SLC2A14: variants seen among roughly 807,000 people sequenced by gnomAD.
SLC2A14 encodes solute carrier family 2, facilitated glucose transporter member 14.
Under a neutral mutation model 43.0 loss-of-function variants are expected in SLC2A14, and 13 were observed. That is an observed-to-expected ratio of 0.30 (90% CI 0.20 to 0.48). SLC2A14 has a LOEUF of 0.48. Among genes scored for constraint, SLC2A14 ranks in the 20% least tolerant of loss-of-function variants. The probability of loss-of-function intolerance (pLI) is 0.99; values close to 1 mark genes in which losing one functional copy is unlikely to be tolerated. For synonymous variants in SLC2A14, 190 were observed against 233.8 expected (o/e 0.81, Z 1.71); for missense variants, 428 against 620.4 (o/e 0.69, Z 3.29).
At chr12:7,830,475 C>T (rs1415259191) in intron 4 of SLC2A14, among the ~76,000 whole-genome samples, 2 of 151,958 alleles carry the variant, frequency 1.3e-5, no homozygotes, top group Admixed American at 6.6e-5. Context: ...ATTATCAGAA[C>T]GTTTCTAGTT....
At chr12:7,818,599 T>C (rs1399653454) in intron 9 of SLC2A14, among the ~76,000 whole-genome samples, 3 of 151,678 alleles carry the variant, frequency 2.0e-5, no homozygotes, top group Non-Finnish European at 4.4e-5. Flanking sequence ...GAGGCAGAGA[T>C]TGCAGTGAGC....
intron 2 of SLC2A14, among the ~76,000 whole-genome samples, chr12:7,859,143 C>G (rs1021325408): frequency 1.3e-5 from 2 of 152,096 alleles, no homozygotes; most frequent in Non-Finnish European, 2.9e-5. Context: ...AATCCCAGCA[C>G]TTTGAAAGGC....
chr12:7,882,420 C>G (rs1283078448), intron 1 of SLC2A14, among the ~76,000 whole-genome samples: 1 of 152,120 alleles, frequency 6.6e-6, no homozygotes, highest in Non-Finnish European at 1.5e-5. Context: ...CCGCGAGGGT[C>G]CATGGCTTCA....
At chr12:7,821,430 C>T in intron 7 of SLC2A14, 105 bp from the exon 8 acceptor site, 1 of 986,266 alleles carries the variant, frequency 1.0e-6, no homozygotes, top group Middle Eastern at 2.7e-4. Context: ...GGCCTGTAAT[C>T]CCAGCACTTT....
rs757544271 is a variant in SLC2A14 at position 7,828,913 on chromosome 12, C to G, written c.514-47G>C. Reference sequence around the variant, plus strand: ...TGCTATAAACCCCATACTTCACAGGCCACAAGTTCATTGAAACACAAAAAG... The same window carrying G: ...TGCTATAAACCCCATACTTCACAGGGCACAAGTTCATTGAAACACAAAAAG... On this transcript the variant is annotated intron_variant, in intron 5 of 10. Transcript: ENST00000431042. 4 of 1,583,108 alleles carry G rather than the reference C, an allele frequency of 2.5e-6. No homozygotes were observed. The East Asian group carries it at 6.8e-5, about 27-fold the overall frequency.
At chr12:7,825,886 A>T (rs1864320284) in intron 7 of SLC2A14, among the ~76,000 whole-genome samples, 3 of 151,350 alleles carry the variant, frequency 2.0e-5, no homozygotes, top group African/African-American at 7.3e-5. Context: ...CCCACAGGTG[A>T]TTTTTTTCTG....
rs1555149771 is a variant in SLC2A14, at chr12:7,879,316, A to AAC, written c.132+11679_132+11680insGT. On this transcript the variant is annotated intron_variant, in intron 1 of 9. Coordinates refer to the SLC2A14 transcript ENST00000539924. ...TAGCAAGACCTCAACTCTGCAAAAA[A>AAC]AAACAAACAACAACAAAAAAAAACA... is the stretch of plus-strand genomic sequence containing the variant. Among the ~76,000 whole-genome samples, 8 of 110,030 alleles carry AAC rather than the reference A, an allele frequency of 7.3e-5. No individual in the cohort carries two copies. In the East Asian group the frequency reaches 8.9e-4, roughly 12 times the overall value. The allele number at this position is 110,030 out of a possible 152,430, so 72.2% of individuals were successfully genotyped here.
chr12:7,828,385 A>G (rs1864687633), intron 6 of SLC2A14, among the ~76,000 whole-genome samples: 1 of 151,768 alleles, frequency 6.6e-6, no homozygotes. Flanking sequence ...AAAAAGTACA[A>G]AAGTAGCCAG....
intron 2 of SLC2A14, among the ~76,000 whole-genome samples, chr12:7,844,112 A>G (rs1592230116): frequency 6.6e-6 from 1 of 152,220 alleles, no homozygotes; most frequent in East Asian, 1.9e-4. Flanking sequence ...ATTCTTTAAC[A>G]TTTCTTGCTC....
At chr12:7,877,471 G>A (rs1280201776), upstream of SLC2A14, among the ~76,000 whole-genome samples, 1 of 151,830 alleles carries the variant, frequency 6.6e-6, no homozygotes, top group Non-Finnish European at 1.5e-5. Flanking sequence ...TGTTGCCCGG[G>A]CTAGAATGCA....
At chr12:7,841,928 C>G (rs1306806440) in intron 2 of SLC2A14, among the ~76,000 whole-genome samples, 1 of 151,792 alleles carries the variant, frequency 6.6e-6, no homozygotes, top group Non-Finnish European at 1.5e-5. Context: ...TTGACTGAAC[C>G]CAGGAGGCAG....
chr12:7,890,665 G>T (rs1945760704), intron 1 of SLC2A14: 1 of 168,112 alleles, frequency 5.9e-6, no homozygotes, highest in African/African-American at 2.4e-5. Context: ...ATAGTAAGTT[G>T]GCCTTCCAGC....
chr12:7,862,966 T>C (rs1944668817), intron 2 of SLC2A14, among the ~76,000 whole-genome samples: 1 of 152,064 alleles, frequency 6.6e-6, no homozygotes, highest in Non-Finnish European at 1.5e-5. Flanking sequence ...ATCAGCAGGA[T>C]GTGGGTGGGG....
At chr12:7,838,132 T>C (rs1358439387) in intron 2 of SLC2A14, among the ~76,000 whole-genome samples, 1 of 150,316 alleles carries the variant, frequency 6.7e-6, no homozygotes, top group Non-Finnish European at 1.5e-5. Context: ...CTGTCACCCA[T>C]GCAGGAGTGC....
chr12:7,851,642 C>T (rs895588189), intron 2 of SLC2A14, among the ~76,000 whole-genome samples: 14 of 152,090 alleles, frequency 9.2e-5, no homozygotes, highest in Admixed American at 2.6e-4. Context: ...ATTTTTGCCA[C>T]TAGATTCTAA....
chr12:7,826,862 T>TCCTTCCTTCC (rs869102115), intron 7 of SLC2A14, among the ~76,000 whole-genome samples: 157 of 30,698 alleles, frequency 5.1e-3, no homozygotes, highest in East Asian at 0.01. Context: ...TCCTTTCTTT[T>TCCTTCCTTCC]TTCTTTCTTT....
chr12:7,876,280 C>CAAAAAAAAAAAAAAAAAA (rs59935166), upstream of SLC2A14, among the ~76,000 whole-genome samples: 11 of 68,208 alleles, frequency 1.6e-4, no homozygotes, highest in African/African-American at 2.3e-4. Context: ...AACTCCATCT[C>CAAAAAAAAAAAAAAAAAA]AAAAAAAAAA....
chr12:7,835,029 G>A (rs1320964990), intron 2 of SLC2A14, among the ~76,000 whole-genome samples: 1 of 151,562 alleles, frequency 6.6e-6, no homozygotes, highest in African/African-American at 2.4e-5. Flanking sequence ...GGATGGGCCA[G>A]TGAGGCTAGC....
At chr12:7,858,577 A>G (rs976271998) in intron 2 of SLC2A14, among the ~76,000 whole-genome samples, 9 of 152,042 alleles carry the variant, frequency 5.9e-5, no homozygotes, top group African/African-American at 1.9e-4. Flanking sequence ...TCAGCTCACC[A>G]CAACTTCCGC....
Sources: allele counts gnomAD v4.1 joint callset (sites outside exome capture counted in the v4.1 genomes callset), GRCh38; gene constraint gnomAD v4.1.1; transcripts MANE v1.5; gene names NCBI Gene and HGNC (gene_info 2026-07-23, HGNC 2026-07-21).